Variants in USF3 observed in about 807,000 individuals in gnomAD.
USF3 encodes upstream transcription factor family member 3.
In USF3, 29 loss-of-function variants were observed where a neutral mutation model predicts 157.5. The observed-to-expected ratio is 0.18, with a 90% CI of 0.14 to 0.25. The LOEUF is 0.25. USF3 is among the 10% of genes least tolerant of loss of function. The pLI, the probability that USF3 is intolerant of heterozygous loss-of-function variation, is 1.00. For missense variants in USF3, 2,381 were observed against 2,667.6 expected (o/e 0.89, Z 2.37); for synonymous variants, 893 against 941.4 (o/e 0.95, Z 0.94).
Position 113,658,842 on chromosome 3 carries a change from G to A in USF3, c.2840C>T (p.Ser947Phe). The A allele has an allele frequency of 6.2e-7, 1 of 1,614,166 alleles. No individual in the cohort carries two copies. Among genetic ancestry groups the A allele is most frequent in the Non-Finnish European group, 8.5e-7 (1 of 1,180,002 alleles). ...AACCAAAATGTGAGGATCACTTGGA[G>A]ATGGAATCAATACATTGGCTGAAGC... Reference protein sequence around the residue: ...PCASANVLIPSPSDPHILVSQ... With the variant: ...PCASANVLIPFPSDPHILVSQ... The change falls in exon 7 of 7, where the codon TCT becomes TTT. Residue 947 changes from serine (S) to phenylalanine (F), a missense_variant. By Grantham distance (155) the Ser-to-Phe change is radical (BLOSUM62 -2). Around this residue, in one of 6 missense-constraint regions of USF3, gnomAD observed 1,435 missense variants for 1,550.9 expected, o/e 0.93. Coordinates refer to ENST00000316407, the MANE Select transcript of USF3 (RefSeq NM_001009899.4).
chr3:113,670,854 G>A (rs1707139080), intron 4 of USF3, among the ~76,000 whole-genome samples: 1 of 151,884 alleles, frequency 6.6e-6, no homozygotes, highest in Non-Finnish European at 1.5e-5. Flanking sequence ...CCTTCCCTGG[G>A]CTCAGGCCTC....
rs555512333 is a variant in USF3 at position 113,653,171 on chromosome 3, A to G, written c.*1773T>C. ...CACCCCATCCCATTTTTGGCAGAAT[A>G]TAACAAGAACAAAAAGTAATGGACT... On this transcript the variant is annotated 3_prime_UTR_variant, in exon 7 of 7. Coordinates refer to ENST00000316407, the MANE Select transcript of USF3 (RefSeq NM_001009899.4). The G allele has an allele frequency of 1.1e-4, 19 of 168,042 alleles. No individual in the cohort carries two copies. The South Asian group carries it at 3.5e-3, about 31-fold the overall frequency. The allele number at this position is 168,042 out of a possible 1,614,324, so 10.4% of individuals were successfully genotyped here.
intron 1 of USF3, among the ~76,000 whole-genome samples, chr3:113,684,649 AGTTT>A (rs1298428066): frequency 4.0e-5 from 6 of 151,558 alleles, no homozygotes; most frequent in Non-Finnish European, 8.8e-5. Flanking sequence ...TGCATTCTTT[AGTTT>A]GTCTATTGAA....
intron 2 of USF3, among the ~76,000 whole-genome samples, chr3:113,676,537 A>G (rs1035882839): frequency 2.1e-4 from 32 of 152,296 alleles, no homozygotes; most frequent in African/African-American, 7.0e-4. Context: ...AACGGCCCCC[A>G]TGATTCAATT....
Position 113,654,997 on chromosome 3 carries a change from G to A in USF3, c.6685C>T (p.Pro2229Ser). The change falls in exon 7 of 7, where the codon CCT (proline) becomes TCT (serine). Residue 2229 changes from proline to serine, a missense_variant. Pro to Ser is a moderately conservative substitution (Grantham distance 74, BLOSUM62 -1). This residue lies in a region of USF3 where 20 missense variants were observed against 36.6 expected (regional missense o/e 0.55). Transcript: ENST00000316407. ...AGAATATGGCTTATGTTATGGGCAG[G>A]TCTGTTTGAGGACTGCTTGGAAGAG... The part of the protein sequence containing the change: ...SDSSKQSSNR[P>S]AHNISHILGH... 1.9e-6 allele frequency: 3 copies of A among 1,614,008 alleles called. No individual in the cohort carries two copies. The highest frequency in any genetic ancestry group is 2.5e-6 in the Non-Finnish European group (3 of 1,179,854).
chr3:113,668,190 G>T (rs780604370), intron 5 of USF3, among the ~76,000 whole-genome samples: 1 of 151,566 alleles, frequency 6.6e-6, no homozygotes, highest in Non-Finnish European at 1.5e-5. Flanking sequence ...TGCCCAAACC[G>T]CAGGAGACAA....
chr3:113,656,607 G>A lies in USF3; in HGVS notation c.5075C>T (p.Ser1692Phe), dbSNP rs1376188976. 5.0e-6 allele frequency: 8 copies of A among 1,614,074 alleles called. No individual in the cohort carries two copies. The highest frequency in any genetic ancestry group is 1.7e-5 in the Admixed American group (1 of 60,002). The part of the protein sequence containing the change: ...EQRMGISIQG[S>F]RVSDQLEMRS... ...CATTTCAAGCTGATCTGAAACTCTG[G>A]AACCCTGAATTGATATCCCCATTCT... The change falls in exon 7 of 7, where the codon TCC becomes TTC. Residue 1692 changes from serine to phenylalanine, a missense_variant. Physicochemically the swap from Ser to Phe is radical, Grantham distance 155. Coordinates refer to ENST00000316407, the MANE Select transcript of USF3 (RefSeq NM_001009899.4).
Position 113,656,542 on chromosome 3 carries a change from T to G in USF3, c.5140A>C (p.Ile1714Leu), listed in dbSNP as rs554107558. 134 of 1,614,114 alleles carry G rather than the reference T, an allele frequency of 8.3e-5. 1 individual carries two copies. The Middle Eastern group carries it at 2.1e-3, about 26-fold the overall frequency. Residue 1714 changes from isoleucine to leucine, a missense_variant, in exon 7 of 7, where the codon ATT becomes CTT. Transcript: ENST00000316407. ...LDVPRNKSLA[I>L]HNMQGRVDHT... is the part of the protein sequence containing the mutation. The stretch of plus-strand genomic sequence containing the variant: ...TCCACACGACCCTGCATATTATGAA[T>G]AGCCAAACTCTTATTTCTGGGAACA...
chr3:113,670,465 G>A (rs1410901782), intron 4 of USF3, among the ~76,000 whole-genome samples: 7 of 152,132 alleles, frequency 4.6e-5, no homozygotes, highest in African/African-American at 1.4e-4. Context: ...TGGGCGTGGT[G>A]GCACACGCCT....
At chr3:113,667,116 T>C (rs1577038078) in intron 5 of USF3, among the ~76,000 whole-genome samples, 2 of 151,166 alleles carry the variant, frequency 1.3e-5, no homozygotes, top group South Asian at 4.2e-4. Context: ...TTTGGCAATT[T>C]ATAATTCTGA....
Position 113,658,325 on chromosome 3 carries a change from A to G in USF3, c.3357T>C (p.Asn1119=). ...CTACAAAGGTACAGCTGTCACATGT[A>G]TTAGTTGTTGCATTGCTGGTCACAT... is the stretch of plus-strand genomic sequence containing the variant. ...REDVTSNATT[N]TCDSCTFVEQ... Residue 1119 remains asparagine, a synonymous_variant, in exon 7 of 7, where the codon AAT becomes AAC. Coordinates refer to ENST00000316407, the MANE Select transcript of USF3 (RefSeq NM_001009899.4). 2.5e-6 allele frequency: 4 copies of G among 1,614,214 alleles called. No individual in the cohort carries two copies. Among genetic ancestry groups the G allele is most frequent in the Non-Finnish European group, 3.4e-6 (4 of 1,180,028 alleles).
rs115640489 is a variant in USF3 at position 113,682,185 on chromosome 3, T to A, written c.-134-4788A>T. Among the ~76,000 whole-genome samples, 1,047 of 152,130 alleles carry A rather than the reference T, an allele frequency of 6.9e-3. 16 individuals are homozygous for A. Among genetic ancestry groups the A allele is most frequent in the African/African-American group, 0.024 (987 of 41,488 alleles). On this transcript the variant is annotated intron_variant, in intron 1 of 6. Transcript: ENST00000316407. ...CAAAAAATAGAAAAAATTATCCAGA[T>A]AAGGTGGCATGTGCCTGTAGTCCCA...
At chr3:113,680,069 T>TTTTTTTTTG (rs1707376844) in intron 1 of USF3, among the ~76,000 whole-genome samples, 1 of 147,052 alleles carries the variant, frequency 6.8e-6, no homozygotes, top group Non-Finnish European at 1.5e-5. Flanking sequence ...TTTTTTTTTT[T>TTTTTTTTTG]TTTTTTTTGA....
At position 113,661,153 on chromosome 3, in the gene USF3, G is replaced by T. The variant is rs1355900022; in HGVS notation, c.529C>A (p.Gln177Lys). 5.0e-6 allele frequency: 8 copies of T among 1,614,184 alleles called. No individual in the cohort carries two copies. The highest frequency in any genetic ancestry group is 6.8e-6 in the Non-Finnish European group (8 of 1,180,028). The change falls in exon 7 of 7, where the codon CAA (glutamine) becomes AAA (lysine). Residue 177 changes from glutamine to lysine, a missense_variant. This residue lies in a region of USF3 where 1,435 missense variants were observed against 1,550.9 expected (regional missense o/e 0.93). Transcript: ENST00000316407. ...GGCACCACATTGGCGGTCTGCTTTT[G>T]TAAATTATGACTAACATTAAAAGTT... ...GITFNVSHNLQKQTANVVPVQ... is the reference protein window; with the variant it reads ...GITFNVSHNLKKQTANVVPVQ...
At chr3:113,688,762 T>C (rs58929900) in intron 1 of USF3, among the ~76,000 whole-genome samples, 2,204 of 152,266 alleles carry the variant, frequency 0.014, 61 homozygotes, top group African/African-American at 0.05. Context: ...AGATGCTGGC[T>C]GGGCGCGGTG....
In USF3 at chr3:113,652,936, G is replaced by C; in HGVS notation, c.*2008C>G. The C allele has an allele frequency of 1.3e-6, 1 of 745,206 alleles. No homozygotes were observed. Among genetic ancestry groups the C allele is most frequent in the Non-Finnish European group, 2.1e-6 (1 of 486,582 alleles). The allele number at this position is 745,206 out of a possible 1,614,324, so 46.2% of individuals were successfully genotyped here. A position where few individuals can be genotyped will look rare whatever the true frequency, so the allele number is the denominator to read the frequency against. On this transcript the variant is annotated 3_prime_UTR_variant, in exon 7 of 7. Coordinates refer to ENST00000316407, the MANE Select transcript of USF3 (RefSeq NM_001009899.4). ...CCTGCCATTGTAGACTCCAGCCTGGGTGACAAAGTGACCTTGAATATCTCC... is the reference window on the plus strand; with the variant it reads ...CCTGCCATTGTAGACTCCAGCCTGGCTGACAAAGTGACCTTGAATATCTCC...
In USF3 at chr3:113,655,772, A is replaced by G; in HGVS notation, c.5910T>C (p.Ala1970=). 6 of 1,614,144 alleles carry G rather than the reference A, an allele frequency of 3.7e-6. No homozygotes were observed. Among genetic ancestry groups the G allele is most frequent in the Non-Finnish European group, 5.1e-6 (6 of 1,180,030 alleles). Residue 1970 remains alanine, a synonymous_variant, in exon 7 of 7, where the codon GCT becomes GCC. Transcript: ENST00000316407. ...NGDQGPAVRQ[A]NSSVPQRSRH... ...TTGATCTCTGGGGAACTGAAGAATTAGCTTGACGTACAGCAGGGCCTTGAT... is the reference window on the plus strand; with the variant it reads ...TTGATCTCTGGGGAACTGAAGAATTGGCTTGACGTACAGCAGGGCCTTGAT...
At chr3:113,679,070 C>T (rs903697988) in intron 1 of USF3, among the ~76,000 whole-genome samples, 2 of 151,414 alleles carry the variant, frequency 1.3e-5, no homozygotes, top group Non-Finnish European at 2.9e-5. Flanking sequence ...GATCCTCCCG[C>T]CGCAGTCTTC....
In USF3 at chr3:113,649,173, G is replaced by A. The variant is rs1267989482; in HGVS notation, c.*5771C>T. 1 of 152,224 alleles carries A rather than the reference G, an allele frequency of 6.6e-6. No individual in the cohort carries two copies. The highest frequency in any genetic ancestry group is 2.4e-5 in the African/African-American group (1 of 41,412). 9.4% of individuals were successfully genotyped at this position (152,224 alleles called of 1,614,324 possible). On this transcript the variant is annotated 3_prime_UTR_variant, in exon 7 of 7. Coordinates refer to ENST00000316407, the MANE Select transcript of USF3 (RefSeq NM_001009899.4). ...TTAAGTTCCTATGACATAGTACGGT[G>A]TTAGTATGGTGTATAGCTGTATACA...
Sources: gnomAD v4.1 joint callset for allele counts (sites outside exome capture counted in the v4.1 genomes callset) on GRCh38, gnomAD v4.1.1 for gene constraint, gnomAD v4.1.1 regional missense constraint, MANE v1.5 for transcripts, NCBI Gene and HGNC (gene_info 2026-07-23, HGNC 2026-07-21) for gene names.